Variants in SLC22A9 observed in about 807,000 individuals in gnomAD.
SLC22A9 encodes solute carrier family 22 member 9.
In SLC22A9, 64 loss-of-function variants were observed where a neutral mutation model predicts 50.1. The observed-to-expected ratio is 1.28, with a 90% CI of 1.04 to 1.57. The LOEUF (loss-of-function observed/expected upper bound fraction) is 1.57, where lower values mean the gene tolerates loss of function less well. Among genes scored for constraint, SLC22A9 ranks in the 40% most tolerant of loss-of-function variants. The probability of loss-of-function intolerance (pLI) is 0.00; values close to 1 mark genes in which losing one functional copy is unlikely to be tolerated. For synonymous variants in SLC22A9, 261 were observed against 242.5 expected (o/e 1.08, Z -0.71); for missense variants, 757 against 676.1 (o/e 1.12, Z -1.33).
intron 6 of SLC22A9, among the ~76,000 whole-genome samples, chr11:63,396,620 C>G (rs1485923840): frequency 1.3e-5 from 2 of 152,172 alleles, no homozygotes; most frequent in Non-Finnish European, 2.9e-5. Flanking sequence ...CGTTTTGTTT[C>G]TGCAGTCATT....
chr11:63,397,135 A>G (rs1591024959), intron 6 of SLC22A9, among the ~76,000 whole-genome samples: 1 of 152,226 alleles, frequency 6.6e-6, no homozygotes, highest in South Asian at 2.1e-4. Context: ...ACCCACAGAT[A>G]TACTGACATC....
intron 6 of SLC22A9, among the ~76,000 whole-genome samples, chr11:63,404,065 A>G (rs2014996991): frequency 6.6e-6 from 1 of 152,196 alleles, no homozygotes; most frequent in South Asian, 2.1e-4. Flanking sequence ...TTGCAGCATT[A>G]TTCACAATTG....
At chr11:63,404,474 T>G (rs1365187381) in intron 6 of SLC22A9, among the ~76,000 whole-genome samples, 1 of 152,180 alleles carries the variant, frequency 6.6e-6, no homozygotes, top group African/African-American at 2.4e-5. Context: ...AAGGAGATTT[T>G]GGGCTGAGAC....
intron 6 of SLC22A9, among the ~76,000 whole-genome samples, chr11:63,383,763 T>C (rs2014608965): frequency 6.6e-6 from 1 of 152,066 alleles, no homozygotes; most frequent in Non-Finnish European, 1.5e-5. Context: ...TAAAAATGGA[T>C]GAACAGGTCG....
At chr11:63,399,901 T>C (rs1457858576) in intron 6 of SLC22A9, among the ~76,000 whole-genome samples, 3 of 151,940 alleles carry the variant, frequency 2.0e-5, no homozygotes, top group Admixed American at 2.0e-4. Flanking sequence ...AATATACAAA[T>C]ACCTGAAAAT....
chr11:63,410,045 C>G lies in SLC22A9; in HGVS notation c.*183C>G. On this transcript the variant is annotated 3_prime_UTR_variant, in exon 10 of 10. Coordinates refer to ENST00000279178, the MANE Select transcript of SLC22A9 (RefSeq NM_080866.3). Reference sequence around the variant, plus strand: ...CATGAGGTCAGAAGATAAAGACCACCCTGGCCAACATGGTGAAACCCTGTC... The same window carrying G: ...CATGAGGTCAGAAGATAAAGACCACGCTGGCCAACATGGTGAAACCCTGTC... 1.9e-6 allele frequency: 1 copy of G among 528,724 alleles called. No homozygotes were observed. The highest frequency in any genetic ancestry group is 3.3e-6 in the Non-Finnish European group (1 of 301,296). 32.8% of individuals were successfully genotyped at this position (528,724 alleles called of 1,614,324 possible).
In SLC22A9 at chr11:63,410,257, A is replaced by AGAAAGAAAG. The variant is rs1555017440; in HGVS notation, c.*395_*396insGAAAGAAAG. On this transcript the variant is annotated 3_prime_UTR_variant, in exon 10 of 10. Transcript: ENST00000279178. Reference sequence around the variant, plus strand: ...CTGTCTCAAAAAAAAAAAAAAAAAAAAAAGAAAGAAGGAAAGAAAGAAAGA... The same window carrying AGAAAGAAAG: ...CTGTCTCAAAAAAAAAAAAAAAAAAAGAAAGAAAGAAAGAAAGAAGGAAAGAAAGAAAGA... 2 of 108,468 alleles carry AGAAAGAAAG rather than the reference A, an allele frequency of 1.8e-5. No homozygotes were observed. The highest frequency in any genetic ancestry group is 1.1e-3 in the East Asian group (2 of 1,808). The allele number at this position is 108,468 out of a possible 1,614,324, so 6.7% of individuals were successfully genotyped here.
intron 5 of SLC22A9, 131 bp downstream of exon 5, chr11:63,375,899 C>T (rs924541153): frequency 3.7e-5 from 43 of 1,165,024 alleles, no homozygotes; most frequent in Admixed American, 1.6e-4. Flanking sequence ...TATCACCTCA[C>T]TATCATTTTT....
Position 63,369,931 on chromosome 11 carries a change from A to G in SLC22A9, c.-126A>G. 2 of 974,668 alleles carry G rather than the reference A, an allele frequency of 2.1e-6. No homozygotes were observed. Among genetic ancestry groups the G allele is most frequent in the East Asian group, 2.6e-5 (1 of 38,744 alleles). 60.4% of individuals were successfully genotyped at this position (974,668 alleles called of 1,614,324 possible). A position where few individuals can be genotyped will look rare whatever the true frequency, so the allele number is the denominator to read the frequency against. On this transcript the variant is annotated 5_prime_UTR_variant, in exon 1 of 10. Transcript: ENST00000279178. ...CTGCAGAGGGGAAGCACAGTCGTCA[A>G]GAAGAGAGTGGGGTCAGGATCAAAA... is the stretch of plus-strand genomic sequence containing the variant.
chr11:63,407,102 C>T (rs577199597), intron 7 of SLC22A9, among the ~76,000 whole-genome samples: 2 of 152,286 alleles, frequency 1.3e-5, no homozygotes, highest in Admixed American at 6.5e-5. Context: ...TGTCTGGGCT[C>T]TTTCTTATTA....
intron 6 of SLC22A9, 143 bp from the exon 7 acceptor site, chr11:63,406,354 C>A: frequency 1.5e-6 from 1 of 678,082 alleles, no homozygotes; most frequent in Non-Finnish European, 2.5e-6. Context: ...TTCTTTAAAT[C>A]ACGTTGCAAG....
intron 2 of SLC22A9, among the ~76,000 whole-genome samples, chr11:63,372,045 C>A (rs767902438): frequency 9.2e-5 from 14 of 152,054 alleles, no homozygotes; most frequent in Non-Finnish European, 1.5e-4. Flanking sequence ...GGGTTAATTT[C>A]CAATAGTTAG....
chr11:63,408,298 T>C, intron 8 of SLC22A9, 78 bp downstream of exon 8: 3 of 1,087,344 alleles, frequency 2.8e-6, no homozygotes, highest in Non-Finnish European at 4.2e-6. Context: ...CGGGAAGAAA[T>C]CTAAGACTGG....
At chr11:63,371,362 A>T (rs1273428670) in intron 2 of SLC22A9, 124 bp downstream of exon 2, 12 of 730,636 alleles carry the variant, frequency 1.6e-5, no homozygotes, top group Non-Finnish European at 2.6e-5. Context: ...CCCCAAACAG[A>T]AAAGGAAATT....
Position 63,402,935 on chromosome 11 carries a change from T to C in SLC22A9, c.1074-3562T>C, listed in dbSNP as rs554088165. ...CACCATTTTTTGAAGTTCACACATA[T>C]ACATGCTCATCAACTTTTGCTTCAG... On this transcript the variant is annotated intron_variant, in intron 6 of 9. Coordinates refer to ENST00000279178, the MANE Select transcript of SLC22A9 (RefSeq NM_080866.3). Among the ~76,000 whole-genome samples the C allele has an allele frequency of 1.9e-3, 283 of 152,270 alleles. 2 individuals are homozygous for C. The highest frequency in any genetic ancestry group is 6.6e-3 in the African/African-American group (276 of 41,578).
At chr11:63,401,952 T>G (rs1854014231) in intron 6 of SLC22A9, among the ~76,000 whole-genome samples, 3 of 151,848 alleles carry the variant, frequency 2.0e-5, no homozygotes, top group Admixed American at 6.6e-5. Context: ...TTAATGGGTT[T>G]GTTTGTTTGT....
At chr11:63,378,170 C>T (rs1277096892) in intron 5 of SLC22A9, among the ~76,000 whole-genome samples, 1 of 149,786 alleles carries the variant, frequency 6.7e-6, no homozygotes, top group East Asian at 1.9e-4. Context: ...AAAATTGAGG[C>T]AGGGAGACTC....
At chr11:63,386,434 C>CTTTTGTTTTTT (rs2014668873) in intron 6 of SLC22A9, among the ~76,000 whole-genome samples, 1 of 33,494 alleles carries the variant, frequency 3.0e-5, no homozygotes, top group Non-Finnish European at 4.6e-5. Context: ...TGGACCTGGA[C>CTTTTGTTTTTT]TTTTTTTTTT....
chr11:63,384,755 C>T (rs1034398798), intron 6 of SLC22A9, among the ~76,000 whole-genome samples: 9 of 152,136 alleles, frequency 5.9e-5, no homozygotes, highest in Non-Finnish European at 1.3e-4. Flanking sequence ...ACCTTCCCAC[C>T]AACAGTGTAA....
Sources: gnomAD v4.1 joint callset for allele counts (sites outside exome capture counted in the v4.1 genomes callset) on GRCh38, gnomAD v4.1.1 for gene constraint, MANE v1.5 for transcripts, NCBI Gene and HGNC (gene_info 2026-07-23, HGNC 2026-07-21) for gene names.